RBM25: variants seen among roughly 807,000 people sequenced by gnomAD.
The protein encoded by RBM25 is RNA-binding protein 25.
In RBM25, 19 loss-of-function variants were observed where a neutral mutation model predicts 120.7. That is an observed-to-expected ratio of 0.16 (90% CI 0.11 to 0.23). RBM25 has a LOEUF of 0.23. Among genes scored for constraint, RBM25 ranks in the 10% least tolerant of loss-of-function variants. The pLI is 1.00. For missense variants in RBM25, 605 were observed against 1,041.5 expected (o/e 0.58, Z 5.77); for synonymous variants, 390 against 326.7 (o/e 1.19, Z -2.09).
At chr14:73,112,027 A>G in intron 16 of RBM25, 125 bp from the exon 17 acceptor site, 2 of 1,071,202 alleles carry the variant, frequency 1.9e-6, no homozygotes, top group Non-Finnish European at 2.7e-6. Flanking sequence ...ATCTTGATAC[A>G]TATCTGTCTT....
Position 73,119,980 on chromosome 14 carries a change from A to G in RBM25, c.*175A>G. 1.1e-6 allele frequency: 1 copy of G among 923,494 alleles called. No homozygotes were observed. Among genetic ancestry groups the G allele is most frequent in the Non-Finnish European group, 1.5e-6 (1 of 666,786 alleles). The allele number at this position is 923,494 out of a possible 1,614,324, so 57.2% of individuals were successfully genotyped here. ...TTGCCCTGTGTACTCCCTTGGTTGT[A>G]AAGTCATCTGAATCCTTGGTTCTCT... On this transcript the variant is annotated 3_prime_UTR_variant, in exon 19 of 19. Transcript: ENST00000261973.
At chr14:73,111,475 A>G (rs1896308386) in intron 15 of RBM25, 53 bp from the exon 16 acceptor site, 1 of 1,513,090 alleles carries the variant, frequency 6.6e-7, no homozygotes, top group South Asian at 1.3e-5. Flanking sequence ...TGGGTTATAA[A>G]ATGAAACATT....
intron 5 of RBM25, among the ~76,000 whole-genome samples, chr14:73,085,927 GTTA>G (rs1427480313): frequency 6.6e-6 from 1 of 151,986 alleles, no homozygotes; most frequent in African/African-American, 2.4e-5. Context: ...ATTCATTGTA[GTTA>G]TTATCACCAT....
intron 1 of RBM25, among the ~76,000 whole-genome samples, chr14:73,068,900 A>G (rs181890035): frequency 3.4e-4 from 52 of 151,862 alleles, no homozygotes; most frequent in Admixed American, 2.4e-3. Context: ...AAGGTGGAAT[A>G]AGACTTTATT....
chr14:73,106,084 A>G lies in RBM25; in HGVS notation c.1377+3A>G. ...AGAAAGAAGCTGCTTATCAAGAGGTAAGTTGAGAAAATGCCTTTATTCTTA... is the reference window on the plus strand; with the variant it reads ...AGAAAGAAGCTGCTTATCAAGAGGTGAGTTGAGAAAATGCCTTTATTCTTA... On this transcript the variant is annotated splice_donor_region_variant and intron_variant, in intron 11 of 18. Coordinates refer to ENST00000261973, the MANE Select transcript of RBM25 (RefSeq NM_021239.3). The G allele has an allele frequency of 6.2e-7, 1 of 1,602,040 alleles. No individual in the cohort carries two copies. The highest frequency in any genetic ancestry group is 1.8e-5 in the Admixed American group (1 of 56,306).
At chr14:73,109,782 C>T (rs565212548) in intron 14 of RBM25, among the ~76,000 whole-genome samples, 1 of 152,242 alleles carries the variant, frequency 6.6e-6, no homozygotes, top group Non-Finnish European at 1.5e-5. Flanking sequence ...GACAGAGCCC[C>T]TGACTCCTGG....
intron 2 of RBM25, among the ~76,000 whole-genome samples, chr14:73,074,492 G>C (rs1895367322): frequency 1.3e-5 from 2 of 152,070 alleles, no homozygotes; most frequent in South Asian, 4.1e-4. Context: ...CATCACTTTG[G>C]GAGGCTGAGG....
At position 73,107,918 on chromosome 14, in the gene RBM25, G is replaced by C. The variant is rs1297714646; in HGVS notation, c.1541+19G>C. The C allele has an allele frequency of 1.3e-6, 2 of 1,527,408 alleles. No individual in the cohort carries two copies. Among genetic ancestry groups the C allele is most frequent in the South Asian group, 2.4e-5 (2 of 84,824 alleles). 94.6% of individuals were successfully genotyped at this position (1,527,408 alleles called of 1,614,324 possible). A position where few individuals can be genotyped will look rare whatever the true frequency, so the allele number is the denominator to read the frequency against. Reference sequence around the variant, plus strand: ...ATTACAGGTAAAGAAGGCTTGTTCTGTGGATTCATACTTGGTTTTTTATTA... The same window carrying C: ...ATTACAGGTAAAGAAGGCTTGTTCTCTGGATTCATACTTGGTTTTTTATTA... On this transcript the variant is annotated intron_variant, in intron 13 of 18. Transcript: ENST00000261973.
intron 1 of RBM25, among the ~76,000 whole-genome samples, chr14:73,070,190 G>GGC (rs201240185): frequency 0.023 from 3,416 of 151,588 alleles, 133 homozygotes; most frequent in African/African-American, 0.075. Flanking sequence ...TGGGATTACA[G>GGC]GCGCACACCA....
intron 6 of RBM25, chr14:73,088,375 G>A (rs1895737313): frequency 1.5e-6 from 1 of 680,062 alleles, no homozygotes; most frequent in South Asian, 1.5e-5. Context: ...TCCAGGTTGG[G>A]ATGAAAGTAG....
At chr14:73,077,605 G>C (rs1895452845) in intron 4 of RBM25, 69 bp downstream of exon 4, 2 of 1,383,190 alleles carry the variant, frequency 1.4e-6, no homozygotes, top group South Asian at 3.0e-5. Flanking sequence ...TAAGCAGAAA[G>C]AAGACTTTCA....
chr14:73,078,750 G>A (rs1163127477), intron 4 of RBM25, among the ~76,000 whole-genome samples: 2 of 152,068 alleles, frequency 1.3e-5, no homozygotes, highest in Non-Finnish European at 2.9e-5. Flanking sequence ...GATTACAGGC[G>A]CGTGCCATGA....
At chr14:73,100,554 G>C in intron 9 of RBM25, 1 of 407,126 alleles carries the variant, frequency 2.5e-6, no homozygotes, top group South Asian at 6.4e-5. Flanking sequence ...GCTTTTGAAC[G>C]GTGCAATGCA....
chr14:73,081,586 T>G (rs1055315139), intron 4 of RBM25, among the ~76,000 whole-genome samples: 1 of 152,206 alleles, frequency 6.6e-6, no homozygotes, highest in African/African-American at 2.4e-5. Flanking sequence ...TGCCGACACA[T>G]AGTAGTTCCT....
chr14:73,096,878 G>A (rs1237266906), intron 6 of RBM25, 37 bp from the exon 7 acceptor site: 9 of 1,579,174 alleles, frequency 5.7e-6, no homozygotes, highest in Non-Finnish European at 7.8e-6. Flanking sequence ...TTTCTTGCTT[G>A]ATTTTTCTTT....
chr14:73,059,633 G>T (rs1894952580), intron 1 of RBM25, among the ~76,000 whole-genome samples: 1 of 152,150 alleles, frequency 6.6e-6, no homozygotes, highest in Admixed American at 6.5e-5. Context: ...GTATTAGGCC[G>T]TGGGCAGTAA....
At chr14:73,105,270 C>G (rs1896160617) in intron 10 of RBM25, among the ~76,000 whole-genome samples, 1 of 151,974 alleles carries the variant, frequency 6.6e-6, no homozygotes, top group South Asian at 2.1e-4. Flanking sequence ...ACCATGCCTC[C>G]TGGCCTCAAG....
intron 17 of RBM25, 45 bp from the exon 18 acceptor site, chr14:73,114,241 A>C (rs1326646015): frequency 7.3e-7 from 1 of 1,367,642 alleles, no homozygotes; most frequent in Non-Finnish European, 9.9e-7. Context: ...CTGTATTGTT[A>C]ATTTTTTATT....
chr14:73,092,617 C>T (rs1895844109), intron 6 of RBM25, among the ~76,000 whole-genome samples: 1 of 150,906 alleles, frequency 6.6e-6, no homozygotes, highest in South Asian at 2.1e-4. Flanking sequence ...TACATGTTCA[C>T]CACGTGCAGG....
Sources: allele counts gnomAD v4.1 joint callset (sites outside exome capture counted in the v4.1 genomes callset), GRCh38; gene constraint gnomAD v4.1.1; transcripts MANE v1.5; gene names NCBI Gene and HGNC (gene_info 2026-07-23, HGNC 2026-07-21).